The following CADPS2 variants were observed in gnomAD, a reference collection of about 807,000 sequenced individuals.
CADPS2 encodes the protein calcium dependent secretion activator 2.
Under a neutral mutation model 172.5 loss-of-function variants are expected in CADPS2, and 93 were observed. The ratio of observed to expected loss-of-function variants is 0.54; its 90% CI spans 0.46 to 0.64. The LOEUF is 0.64. Among genes scored for constraint, CADPS2 ranks in the 30% least tolerant of loss-of-function variants. CADPS2 has a pLI of 0.00. For synonymous variants in CADPS2, 546 were observed against 555.2 expected (o/e 0.98, Z 0.23); for missense variants, 1,420 against 1,565.9 (o/e 0.91, Z 1.57).
chr7:122,814,763 G>T (rs549922545), intron 1 of CADPS2, among the ~76,000 whole-genome samples: 1 of 152,004 alleles, frequency 6.6e-6, no homozygotes. Context: ...AATTGAATCC[G>T]TTGTTTTCAT....
At chr7:122,357,964 A>G (rs1427800543) in intron 27 of CADPS2, among the ~76,000 whole-genome samples, 4 of 152,164 alleles carry the variant, frequency 2.6e-5, no homozygotes, top group African/African-American at 9.6e-5. Context: ...TGGGGTGGAC[A>G]TATGTTTCAA....
At chr7:122,629,226 T>A (rs2076350796) in intron 4 of CADPS2, 22 bp downstream of exon 4, 1 of 1,579,432 alleles carries the variant, frequency 6.3e-7, no homozygotes, top group Admixed American at 1.7e-5. Context: ...TGTCATACAG[T>A]ATGTCCAAGT....
chr7:122,673,047 G>T (rs1205729685), intron 2 of CADPS2, among the ~76,000 whole-genome samples: 1 of 152,162 alleles, frequency 6.6e-6, no homozygotes, highest in African/African-American at 2.4e-5. Context: ...GCTCTACAAG[G>T]CATCGCCTCT....
At chr7:122,460,542 C>G (rs1232203866) in intron 14 of CADPS2, among the ~76,000 whole-genome samples, 1 of 151,956 alleles carries the variant, frequency 6.6e-6, no homozygotes, top group Non-Finnish European at 1.5e-5. Context: ...GGGAAGCATT[C>G]AGAGCCCAGG....
intron 2 of CADPS2, among the ~76,000 whole-genome samples, chr7:122,677,078 C>T (rs1233424769): frequency 6.6e-6 from 1 of 152,084 alleles, no homozygotes; most frequent in Non-Finnish European, 1.5e-5. Flanking sequence ...AAATGTTTAC[C>T]AAGACAAACC....
intron 8 of CADPS2, among the ~76,000 whole-genome samples, chr7:122,536,802 G>C (rs2062334151): frequency 6.6e-6 from 1 of 152,104 alleles, no homozygotes; most frequent in South Asian, 2.1e-4. Flanking sequence ...TGCTAATGAA[G>C]ATTAAGGGAC....
chr7:122,713,565 C>G (rs2089114644), intron 2 of CADPS2, among the ~76,000 whole-genome samples: 1 of 151,898 alleles, frequency 6.6e-6, no homozygotes, highest in Admixed American at 6.6e-5. Context: ...ATGCCATGAT[C>G]TGTAACCATT....
intron 9 of CADPS2, among the ~76,000 whole-genome samples, chr7:122,492,736 G>A (rs1036943797): frequency 3.3e-5 from 5 of 151,660 alleles, no homozygotes; most frequent in South Asian, 2.1e-4. Flanking sequence ...TTCTCACATC[G>A]TCACCCAGGC....
intron 24 of CADPS2, chr7:122,386,214 A>G (rs763728897): frequency 2.0e-6 from 2 of 997,570 alleles, no homozygotes; most frequent in Non-Finnish European, 2.8e-6. Flanking sequence ...TTTAATTTGA[A>G]AAGATGAAAA....
intron 16 of CADPS2, chr7:122,440,474 C>A (rs1443493795): frequency 6.6e-6 from 1 of 152,122 alleles, no homozygotes; most frequent in Non-Finnish European, 1.5e-5. Flanking sequence ...AACATAATTA[C>A]AACAATCACA....
At chr7:122,670,661 C>T (rs2081732376) in intron 2 of CADPS2, among the ~76,000 whole-genome samples, 1 of 151,786 alleles carries the variant, frequency 6.6e-6, no homozygotes, top group Non-Finnish European at 1.5e-5. Flanking sequence ...CCACGCCTGG[C>T]TAATTTTTTT....
At chr7:122,885,610 C>T (rs1824134935) in intron 1 of CADPS2, among the ~76,000 whole-genome samples, 1 of 152,166 alleles carries the variant, frequency 6.6e-6, no homozygotes, top group African/African-American at 2.4e-5. Context: ...GCAAACCCAG[C>T]TCTAGCAATA....
chr7:122,749,242 A>G (rs1196956041), intron 1 of CADPS2, among the ~76,000 whole-genome samples: 1 of 152,176 alleles, frequency 6.6e-6, no homozygotes, highest in Non-Finnish European at 1.5e-5. Context: ...GGGAAATGGA[A>G]TATCACGACT....
intron 2 of CADPS2, among the ~76,000 whole-genome samples, chr7:122,732,052 ATGT>A (rs2091696392): frequency 6.6e-6 from 1 of 151,804 alleles, no homozygotes; most frequent in Non-Finnish European, 1.5e-5. Context: ...TTTATGTAAC[ATGT>A]TGAACAGTAT....
At chr7:122,703,923 A>G (rs1395139975) in intron 2 of CADPS2, among the ~76,000 whole-genome samples, 1 of 152,264 alleles carries the variant, frequency 6.6e-6, no homozygotes, top group Non-Finnish European at 1.5e-5. Flanking sequence ...TGCAAATTAC[A>G]GAATCTTTAC....
intron 1 of CADPS2, among the ~76,000 whole-genome samples, chr7:122,753,516 A>G (rs1302384756): frequency 1.3e-5 from 2 of 152,220 alleles, no homozygotes; most frequent in African/African-American, 4.8e-5. Flanking sequence ...TGGGGGAGAC[A>G]AAAAGTGAGA....
rs375832317 is a variant in CADPS2 at position 122,587,000 on chromosome 7, A to AT, written c.1224-5711dup. Among the ~76,000 whole-genome samples the AT allele has an allele frequency of 8.9e-3, 1,361 of 152,114 alleles. 21 individuals are homozygous for AT. Among genetic ancestry groups the AT allele is most frequent in the African/African-American group, 0.031 (1,299 of 41,540 alleles). On this transcript the variant is annotated intron_variant, in intron 6 of 29. Transcript: ENST00000449022. Reference sequence around the variant, plus strand: ...GACATATATTCCAAATGCATCACTAATTTTATAACAGAAAACATTAAATAA... The same window carrying AT: ...GACATATATTCCAAATGCATCACTAATTTTTATAACAGAAAACATTAAATAA...
chr7:122,427,500 G>C (rs2049320256), intron 17 of CADPS2: 1 of 152,214 alleles, frequency 6.6e-6, no homozygotes, highest in Admixed American at 6.5e-5. Flanking sequence ...TCTCTCTGGA[G>C]AACAAGTTTC....
chr7:122,441,630 TA>T (rs2051368132), intron 15 of CADPS2, 55 bp from the exon 16 acceptor site: 1 of 1,095,176 alleles, frequency 9.1e-7, no homozygotes, highest in Non-Finnish European at 1.3e-6. Flanking sequence ...CCAAGACTGC[TA>T]AATAATTCCT....
Sources: gnomAD v4.1 joint callset for allele counts (sites outside exome capture counted in the v4.1 genomes callset) on GRCh38, gnomAD v4.1.1 for gene constraint, MANE v1.5 for transcripts, NCBI Gene and HGNC (gene_info 2026-07-23, HGNC 2026-07-21) for gene names.